JMJD1C: variants seen among roughly 807,000 people sequenced by gnomAD.
The protein encoded by JMJD1C is jumonji domain-containing protein 1C.
JMJD1C carries 31 observed loss-of-function variants against 245.3 expected under a neutral mutation model. The ratio of observed to expected loss-of-function variants is 0.13; its 90% CI spans 0.09 to 0.17. The LOEUF (loss-of-function observed/expected upper bound fraction) is 0.17. Among genes scored for constraint, JMJD1C ranks in the 10% least tolerant of loss-of-function variants. The probability of loss-of-function intolerance (pLI) is 1.00; values close to 1 mark genes in which losing one functional copy is unlikely to be tolerated. For missense variants in JMJD1C, 2,691 were observed against 3,000.2 expected (o/e 0.90, Z 2.41); for synonymous variants, 1,057 against 1,017.4 (o/e 1.04, Z -0.74).
intron 2 of JMJD1C, among the ~76,000 whole-genome samples, chr10:63,299,301 G>C (rs1437728402): frequency 6.6e-6 from 1 of 151,554 alleles, no homozygotes; most frequent in South Asian, 2.1e-4. Flanking sequence ...CGCCCCTCAA[G>C]ACTCCCAAGC....
intron 2 of JMJD1C, among the ~76,000 whole-genome samples, chr10:63,274,107 GA>G (rs1402146777): frequency 6.6e-6 from 1 of 152,022 alleles, no homozygotes; most frequent in Non-Finnish European, 1.5e-5. Context: ...CATATGGGTG[GA>G]AAAAAAGATG....
chr10:63,207,215 T>C lies in JMJD1C; in HGVS notation c.4454A>G (p.His1485Arg), dbSNP rs749571740. The C allele has an allele frequency of 5.0e-6, 8 of 1,614,106 alleles. No homozygotes were observed. In the South Asian group the frequency reaches 6.6e-5, roughly 13 times the overall value. ...CTGAGCTGCAGCCAATGCTGCCTTG[T>C]GCTTTTTTAAATGGATAAAATCAGT... ...GTTDFIHLKK[H>R]KAALAAAQYK... The change falls in exon 10 of 26, where the codon CAC becomes CGC. Residue 1485 changes from histidine (H) to arginine (R), a missense_variant. This residue lies in a region of JMJD1C where 1,562 missense variants were observed against 1,490.7 expected (regional missense o/e 1.05). Coordinates refer to ENST00000399262, the MANE Select transcript of JMJD1C (RefSeq NM_032776.3).
At position 63,490,417 on chromosome 10, in the gene JMJD1C, A is replaced by ATTTT. The variant is rs113478578; in HGVS notation, n.113+31317_113+31320dup. Among the ~76,000 whole-genome samples the ATTTT allele has an allele frequency of 2.4e-4, 28 of 118,530 alleles. 3 individuals carry two copies. The highest frequency in any genetic ancestry group is 4.2e-3 in the Middle Eastern group (1 of 238). The allele number at this position is 118,530 out of a possible 152,430, so 77.8% of individuals were successfully genotyped here. The stretch of plus-strand genomic sequence containing the variant: ...TAGCACAATCTATAATTATTTATTT[A>ATTTT]TTTTATTTTTTTTTTTTGAGACAAA... On this transcript the variant is annotated intron_variant and non_coding_transcript_variant, in intron 1 of 3. Transcript: ENST00000633035.
At position 63,214,307 on chromosome 10, in the gene JMJD1C, T is replaced by C; in HGVS notation, c.1860A>G (p.Pro620=). 1.2e-6 allele frequency: 2 copies of C among 1,614,070 alleles called. No homozygotes were observed. Among genetic ancestry groups the C allele is most frequent in the Non-Finnish European group, 1.7e-6 (2 of 1,179,934 alleles). ...TATTAAGTTTAGATTTTATAGTCTC[T>C]GGAGGTGGACTTCGCTTATGCAGCT... ...EDKLHKRSPP[P]ETIKSKLNTS... is the part of the protein sequence containing the mutation. The change falls in exon 8 of 26, where the codon CCA becomes CCG. Residue 620 remains proline (P), a synonymous_variant. Coordinates refer to ENST00000399262, the MANE Select transcript of JMJD1C (RefSeq NM_032776.3).
intron 4 of JMJD1C, among the ~76,000 whole-genome samples, chr10:63,218,439 T>C (rs549621087): frequency 2.1e-4 from 32 of 152,132 alleles, no homozygotes; most frequent in Non-Finnish European, 3.1e-4. Context: ...AAACACTGTT[T>C]AGTAGCCATA....
intron 2 of JMJD1C, among the ~76,000 whole-genome samples, chr10:63,334,408 T>C (rs1942478309): frequency 1.3e-5 from 2 of 152,174 alleles, no homozygotes; most frequent in Admixed American, 1.3e-4. Context: ...ATGTCAGGAA[T>C]ACACTACAGA....
At chr10:63,494,053 A>AT (rs1954268517) in intron 1 of JMJD1C, among the ~76,000 whole-genome samples, 1 of 152,150 alleles carries the variant, frequency 6.6e-6, no homozygotes, top group Admixed American at 6.6e-5. Context: ...GCTCATGCCT[A>AT]TAATCCCAGC....
intron 1 of JMJD1C, among the ~76,000 whole-genome samples, chr10:63,488,296 T>G (rs999493977): frequency 6.6e-5 from 10 of 152,208 alleles, no homozygotes; most frequent in African/African-American, 2.4e-4. Flanking sequence ...ACCAGAAGAC[T>G]TTAACCATGT....
chr10:63,495,819 C>T (rs774749027), intron 1 of JMJD1C, among the ~76,000 whole-genome samples: 1 of 150,628 alleles, frequency 6.6e-6, no homozygotes, highest in Admixed American at 6.6e-5. Context: ...CCTTCCTTTA[C>T]TATTTAAAGT....
chr10:63,423,551 C>T (rs1027174283), intron 1 of JMJD1C, among the ~76,000 whole-genome samples: 4 of 152,128 alleles, frequency 2.6e-5, no homozygotes, highest in Non-Finnish European at 5.9e-5. Flanking sequence ...TTTATCAATT[C>T]CTCTGTTGCT....
intron 22 of JMJD1C, among the ~76,000 whole-genome samples, chr10:63,180,077 G>A (rs958485931): frequency 6.6e-6 from 1 of 151,922 alleles, no homozygotes; most frequent in Non-Finnish European, 1.5e-5. Flanking sequence ...GCACAATCTC[G>A]GCTCACTGCA....
At chr10:63,252,393 G>T (rs1853214261) in intron 3 of JMJD1C, among the ~76,000 whole-genome samples, 1 of 152,182 alleles carries the variant, frequency 6.6e-6, no homozygotes, top group Non-Finnish European at 1.5e-5. Flanking sequence ...ACATGGATAG[G>T]TTTAATCCAA....
chr10:63,217,164 G>C (rs1188258629), intron 5 of JMJD1C, 43 bp downstream of exon 5: 1 of 1,558,848 alleles, frequency 6.4e-7, no homozygotes, highest in South Asian at 1.2e-5. Context: ...TGGATGATTT[G>C]AACTTTTAAA....
chr10:63,521,844 TGCGGC>T (rs3083189), exon 1 of JMJD1C: 186,062 of 188,418 alleles, frequency 0.99, 91,906 homozygotes, highest in Middle Eastern at 1. Flanking sequence ...CTGCGTGCGG[TGCGGC>T]GCGGCGCCCC....
At chr10:63,169,412 T>C (rs1193895529) in intron 24 of JMJD1C, among the ~76,000 whole-genome samples, 1 of 152,106 alleles carries the variant, frequency 6.6e-6, no homozygotes, top group Non-Finnish European at 1.5e-5. Flanking sequence ...AAAAACATCA[T>C]AAAAATTCCT....
At chr10:63,453,701 G>A (rs1462234382) in intron 1 of JMJD1C, among the ~76,000 whole-genome samples, 1 of 152,106 alleles carries the variant, frequency 6.6e-6, no homozygotes, top group Non-Finnish European at 1.5e-5. Context: ...CAAGAGACTA[G>A]GAAAAAACTT....
chr10:63,352,102 G>A (rs1345385033), intron 2 of JMJD1C, among the ~76,000 whole-genome samples: 1 of 151,984 alleles, frequency 6.6e-6, no homozygotes, highest in Admixed American at 6.5e-5. Context: ...AATGAAGACA[G>A]AAAACAAAAA....
At chr10:63,328,610 A>G (rs1470599972) in intron 2 of JMJD1C, among the ~76,000 whole-genome samples, 1 of 152,222 alleles carries the variant, frequency 6.6e-6, no homozygotes, top group Non-Finnish European at 1.5e-5. Flanking sequence ...CACATACATA[A>G]ATGCATAAAT....
In JMJD1C at chr10:63,214,800, A is replaced by G. The variant is rs1231808254; in HGVS notation, c.1367T>C (p.Leu456Pro). The G allele has an allele frequency of 1.2e-6, 2 of 1,613,874 alleles. No homozygotes were observed. Among genetic ancestry groups the G allele is most frequent in the South Asian group, 1.1e-5 (1 of 91,068 alleles). The change falls in exon 8 of 26, where the codon CTT (leucine) becomes CCT (proline). Residue 456 changes from leucine to proline, a missense_variant. Leu to Pro is a moderately conservative substitution (Grantham distance 98, BLOSUM62 -3). Around this residue, in one of 9 missense-constraint regions of JMJD1C, gnomAD observed 1,562 missense variants for 1,490.7 expected, o/e 1.05. Coordinates refer to ENST00000399262, the MANE Select transcript of JMJD1C (RefSeq NM_032776.3). ...CGAATGAATAATCATATCTTCTTGA[A>G]GCTGAGTGTCAACAGACTTCCGCTT... ...AEKRKSVDTQ[L>P]QEDMIIHSSE... is the part of the protein sequence containing the mutation.
Sources: gnomAD v4.1 joint callset for allele counts (sites outside exome capture counted in the v4.1 genomes callset) on GRCh38, gnomAD v4.1.1 for gene constraint, gnomAD v4.1.1 regional missense constraint, MANE v1.5 for transcripts, NCBI Gene and HGNC (gene_info 2026-07-23, HGNC 2026-07-21) for gene names.